TP63: variants seen among roughly 807,000 people sequenced by gnomAD.
TP63 encodes tumor protein 63.
A neutral mutation model predicts 82.8 loss-of-function variants in TP63; 17 were observed. The observed-to-expected ratio is 0.21, with a 90% CI of 0.14 to 0.31. The LOEUF (loss-of-function observed/expected upper bound fraction) is 0.31, where lower values mean the gene tolerates loss of function less well. Ranked by LOEUF, TP63 falls within the 10% of genes least tolerant of loss-of-function variation. TP63 has a pLI of 1.00. For missense variants in TP63, 648 were observed against 895.3 expected (o/e 0.72, Z 3.52); for synonymous variants, 330 against 321.7 (o/e 1.03, Z -0.28).
intron 1 of TP63, among the ~76,000 whole-genome samples, chr3:189,656,435 A>G (rs971437291): frequency 6.6e-6 from 1 of 152,154 alleles, no homozygotes; most frequent in Non-Finnish European, 1.5e-5. Context: ...AAGGGTATGT[A>G]TGGGAGATGG....
intron 1 of TP63, among the ~76,000 whole-genome samples, chr3:189,718,780 T>C (rs773137571): frequency 9.9e-5 from 15 of 151,990 alleles, no homozygotes; most frequent in African/African-American, 1.7e-4. Context: ...AGAGAACCTA[T>C]ACATGTAAGA....
At chr3:189,887,037 C>T (rs6773727) in intron 11 of TP63, among the ~76,000 whole-genome samples, 1,529 of 151,798 alleles carry the variant, frequency 0.01, 27 homozygotes, top group African/African-American at 0.035. Flanking sequence ...GGTGAAACCC[C>T]GTCTCTATTA....
chr3:189,636,779 A>T (rs183407306), intron 1 of TP63, among the ~76,000 whole-genome samples: 4 of 152,242 alleles, frequency 2.6e-5, no homozygotes, highest in Non-Finnish European at 5.9e-5. Context: ...TAGTGGTAGT[A>T]CGTTAAATCA....
rs1240023333 is a variant in TP63, at chr3:189,895,084, A to G, written c.*582A>G. On this transcript the variant is annotated 3_prime_UTR_variant, in exon 14 of 14. Transcript: ENST00000264731. ...TTTCAGTTCTTTGGATTCTAAATAC[A>G]TGCCACATCAAACCTTTGAGTAGAT... 2.3e-5 allele frequency: 5 copies of G among 221,774 alleles called. No individual in the cohort carries two copies. The highest frequency in any genetic ancestry group is 3.6e-5 in the Non-Finnish European group (4 of 110,778). 13.7% of individuals were successfully genotyped at this position (221,774 alleles called of 1,614,324 possible).
intron 3 of TP63, among the ~76,000 whole-genome samples, chr3:189,771,353 T>TTATATATTTATATATTATATA (rs1560171746): frequency 1.7e-4 from 23 of 134,360 alleles, no homozygotes; most frequent in African/African-American, 6.7e-4. Context: ...ATATAATATA[T>TTATATATTTATATATTATATA]TAAATATATA....
intron 4 of TP63, among the ~76,000 whole-genome samples, chr3:189,860,650 A>T (rs1304267906): frequency 6.6e-6 from 1 of 152,228 alleles, no homozygotes; most frequent in African/African-American, 2.4e-5. Flanking sequence ...GGCTGTGGTC[A>T]GATATTTTGA....
chr3:189,654,382 G>A (rs1305392393), intron 1 of TP63, among the ~76,000 whole-genome samples: 1 of 152,060 alleles, frequency 6.6e-6, no homozygotes, highest in East Asian at 1.9e-4. Context: ...TATAGGACAA[G>A]AAAACCAGTC....
At position 189,897,244 on chromosome 3, in the gene TP63, A is replaced by C. The variant is rs916790341; in HGVS notation, c.*2742A>C. The C allele has an allele frequency of 3.4e-4, 67 of 199,184 alleles. No homozygotes were observed. Among genetic ancestry groups the C allele is most frequent in the African/African-American group, 1.5e-3 (64 of 43,604 alleles). 12.3% of individuals were successfully genotyped at this position (199,184 alleles called of 1,614,324 possible). On this transcript the variant is annotated 3_prime_UTR_variant, in exon 14 of 14. Transcript: ENST00000264731. ...TTTTGTTTGCCAGGACATGCAATAA[A>C]ATTTAAAAAATAAATAAAAACTAAT... is the stretch of plus-strand genomic sequence containing the variant.
chr3:189,882,706 G>A (rs1720057893), intron 10 of TP63, among the ~76,000 whole-genome samples: 2 of 152,106 alleles, frequency 1.3e-5, no homozygotes, highest in African/African-American at 2.4e-5. Context: ...TTGTGTCTGC[G>A]CAGGAATTTT....
At chr3:189,884,316 G>A (rs1298147935) in intron 10 of TP63, among the ~76,000 whole-genome samples, 2 of 152,168 alleles carry the variant, frequency 1.3e-5, no homozygotes, top group Admixed American at 1.3e-4. Context: ...GTAGTAGCTG[G>A]AGTTACCTCC....
At chr3:189,672,692 G>GGAAGGAAGGAA (rs1715025101) in intron 1 of TP63, among the ~76,000 whole-genome samples, 1 of 146,756 alleles carries the variant, frequency 6.8e-6, no homozygotes, top group Non-Finnish European at 1.5e-5. Flanking sequence ...AAGGAAGGAA[G>GGAAGGAAGGAA]GAAGGAAGGA....
At chr3:189,789,749 A>T in intron 3 of TP63, 1 of 1,555,688 alleles carries the variant, frequency 6.4e-7, no homozygotes, top group Non-Finnish European at 8.7e-7. Context: ...GGGTTGGCAA[A>T]ATCCTGGAGC....
At chr3:189,745,804 G>A (rs2108513453) in intron 3 of TP63, among the ~76,000 whole-genome samples, 1 of 137,846 alleles carries the variant, frequency 7.3e-6, no homozygotes, top group South Asian at 2.4e-4. Flanking sequence ...TTCAGCAATA[G>A]ACTAGATCAA....
chr3:189,614,838 T>C, the TP63 span, among the ~76,000 whole-genome samples: 4 of 152,214 alleles, frequency 2.6e-5, no homozygotes, highest in Non-Finnish European at 5.9e-5. Context: ...TCATACCACA[T>C]GTACTTTGGG....
chr3:189,611,369 C>T, the TP63 span, among the ~76,000 whole-genome samples: 3 of 152,148 alleles, frequency 2.0e-5, no homozygotes, highest in South Asian at 2.1e-4. Context: ...TATGGCTAGC[C>T]AGTTATCCTA....
At chr3:189,640,706 G>A (rs1711774833) in intron 1 of TP63, among the ~76,000 whole-genome samples, 1 of 152,094 alleles carries the variant, frequency 6.6e-6, no homozygotes, top group Admixed American at 6.6e-5. Flanking sequence ...GAAGTGGAAA[G>A]CTTGTTTTTC....
At chr3:189,875,637 T>TATAA (rs1169970699) in intron 10 of TP63, among the ~76,000 whole-genome samples, 12 of 128,812 alleles carry the variant, frequency 9.3e-5, no homozygotes, top group South Asian at 2.5e-4. Flanking sequence ...TATATATATA[T>TATAA]AAACTATTCT....
At chr3:189,717,784 C>G (rs1242614528) in intron 1 of TP63, among the ~76,000 whole-genome samples, 1 of 151,950 alleles carries the variant, frequency 6.6e-6, no homozygotes, top group Admixed American at 6.6e-5. Context: ...TTCTTTTTTT[C>G]TTTTAGCTTG....
chr3:189,884,770 T>C (rs537295817), intron 10 of TP63, among the ~76,000 whole-genome samples: 1 of 152,356 alleles, frequency 6.6e-6, no homozygotes, highest in East Asian at 1.9e-4. Flanking sequence ...ACCTGAATTG[T>C]TAATTTACAT....
Sources: allele counts gnomAD v4.1 joint callset (sites outside exome capture counted in the v4.1 genomes callset), GRCh38; gene constraint gnomAD v4.1.1; transcripts MANE v1.5; gene names NCBI Gene and HGNC (gene_info 2026-07-23, HGNC 2026-07-21).